Variants in TBC1D21 observed in about 807,000 individuals in gnomAD.
The protein encoded by TBC1D21 is TBC1 domain family member 21, also known as male germ cell Rab GTPase-activating protein.
Under a neutral mutation model 46.0 loss-of-function variants are expected in TBC1D21, and 38 were observed. That is an observed-to-expected ratio of 0.83 (90% CI 0.64 to 1.08). The LOEUF (loss-of-function observed/expected upper bound fraction) is 1.08. Among genes scored for constraint, TBC1D21 ranks in the 50% least tolerant of loss-of-function variants. TBC1D21 has a pLI of 0.00. For missense variants in TBC1D21, 415 were observed against 417.9 expected (o/e 0.99, Z 0.06); for synonymous variants, 151 against 157.2 (o/e 0.96, Z 0.29).
At position 73,884,156 on chromosome 15, in the gene TBC1D21, A is replaced by G; in HGVS notation, c.278A>G (p.Asn93Ser). ...RLTVDSMRRK[N>S]YKALCQMYEK... ...CCTCAGTTCTGTTCTCACAGGAAGA[A>G]CTACAAGGCCTTATGCCAAATGTAT... The change falls in exon 4 of 11, where the codon AAC (asparagine) becomes AGC (serine). Residue 93 changes from asparagine to serine, a missense_variant. By Grantham distance (46) the Asn-to-Ser change is conservative. Transcript: ENST00000300504. 6.2e-7 allele frequency: 1 copy of G among 1,614,132 alleles called. No individual in the cohort carries two copies. The highest frequency in any genetic ancestry group is 8.5e-7 in the Non-Finnish European group (1 of 1,179,948).
At chr15:73,895,952 T>G in the TBC1D21 span, among the ~76,000 whole-genome samples, 1 of 151,952 alleles carries the variant, frequency 6.6e-6, no homozygotes, top group Non-Finnish European at 1.5e-5. Flanking sequence ...GGGAGAGTAG[T>G]GGTGATAGGG....
chr15:73,876,625 C>A (rs981711503), intron 1 of TBC1D21, among the ~76,000 whole-genome samples: 1 of 152,064 alleles, frequency 6.6e-6, no homozygotes, highest in Non-Finnish European at 1.5e-5. Context: ...TTTAGAAATG[C>A]AAATTCTCTG....
intron 5 of TBC1D21, 41 bp downstream of exon 5, chr15:73,884,932 T>C (rs1345634306): frequency 1.9e-6 from 3 of 1,610,008 alleles, no homozygotes; most frequent in Non-Finnish European, 2.5e-6. Flanking sequence ...TCCCAGGACC[T>C]GGCCCAACCT....
At chr15:73,875,193 G>A in intron 1 of TBC1D21, among the ~76,000 whole-genome samples, 1 of 150,726 alleles carries the variant, frequency 6.6e-6, no homozygotes. Flanking sequence ...AGGTTGCAGT[G>A]AGCTGAGATT....
the TBC1D21 span, among the ~76,000 whole-genome samples, chr15:73,904,333 A>G: frequency 2.6e-5 from 4 of 152,210 alleles, no homozygotes; most frequent in African/African-American, 9.7e-5. Flanking sequence ...GGCATGCAGG[A>G]AGCCCCTTCT....
chr15:73,885,115 G>C lies in TBC1D21; in HGVS notation c.579+12G>C. 1 of 1,609,658 alleles carries C rather than the reference G, an allele frequency of 6.2e-7. No individual in the cohort carries two copies. The highest frequency in any genetic ancestry group is 8.5e-7 in the Non-Finnish European group (1 of 1,179,280). On this transcript the variant is annotated intron_variant, in intron 6 of 10. Coordinates refer to ENST00000300504, the MANE Select transcript of TBC1D21 (RefSeq NM_153356.3). ...TCCTGCAGAAAACGGTGAGGGCAAG[G>C]CCTGAGCTCAGGGACGCCCCTCCCC...
At chr15:73,901,715 T>C in the TBC1D21 span, among the ~76,000 whole-genome samples, 2 of 152,190 alleles carry the variant, frequency 1.3e-5, no homozygotes, top group South Asian at 4.1e-4. Flanking sequence ...CGCTTTCTCA[T>C]GTTACTCCAA....
the TBC1D21 span, among the ~76,000 whole-genome samples, chr15:73,897,999 C>T: frequency 1.3e-5 from 2 of 152,154 alleles, no homozygotes; most frequent in South Asian, 2.1e-4. Flanking sequence ...AGTGTAGTTC[C>T]GTGTGATTCA....
At chr15:73,894,677 C>G in the TBC1D21 span, among the ~76,000 whole-genome samples, 1 of 152,080 alleles carries the variant, frequency 6.6e-6, no homozygotes, top group African/African-American at 2.4e-5. Context: ...AGGGGAGAGG[C>G]GCGCAGCTCT....
At chr15:73,886,731 G>C in intron 8 of TBC1D21, 119 bp downstream of exon 8, 8 of 910,606 alleles carry the variant, frequency 8.8e-6, no homozygotes. Context: ...GTATCTCGGG[G>C]TTTTGTTAGG....
intron 3 of TBC1D21, among the ~76,000 whole-genome samples, chr15:73,882,346 C>A (rs1567065749): frequency 6.6e-6 from 1 of 152,188 alleles, no homozygotes. Context: ...ACATTCCAAC[C>A]ACACTGACAG....
At chr15:73,882,444 C>T (rs1198607685) in intron 3 of TBC1D21, among the ~76,000 whole-genome samples, 3 of 152,166 alleles carry the variant, frequency 2.0e-5, no homozygotes, top group African/African-American at 4.8e-5. Flanking sequence ...TTTCTCCTCC[C>T]TCCACAATGG....
chr15:73,878,849 G>T (rs1185035041), intron 1 of TBC1D21, among the ~76,000 whole-genome samples: 1 of 152,164 alleles, frequency 6.6e-6, no homozygotes, highest in Admixed American at 6.5e-5. Flanking sequence ...AGCTTTGCCT[G>T]TTCCCTTCTG....
At chr15:73,886,234 G>A in intron 7 of TBC1D21, 60 bp downstream of exon 7, 4 of 1,460,190 alleles carry the variant, frequency 2.7e-6, no homozygotes, top group Non-Finnish European at 2.9e-6. Flanking sequence ...AGGGGGCTGG[G>A]ACCCAACTGT....
At chr15:73,882,925 G>A (rs996513603) in intron 3 of TBC1D21, among the ~76,000 whole-genome samples, 1 of 152,196 alleles carries the variant, frequency 6.6e-6, no homozygotes, top group Non-Finnish European at 1.5e-5. Flanking sequence ...TCCCTCCCAG[G>A]TTGAATGCAA....
rs778090610 is a variant in TBC1D21 at position 73,881,636 on chromosome 15, C to G, written c.169-8C>G. The G allele has an allele frequency of 1.9e-6, 3 of 1,613,334 alleles. No individual in the cohort carries two copies. In the East Asian group the frequency reaches 6.7e-5, roughly 36 times the overall value. On this transcript the variant is annotated splice_region_variant and splice_polypyrimidine_tract_variant and intron_variant, in intron 2 of 10. Transcript: ENST00000300504. ...GCCCATGACCTCCACCTCCCACCCC[C>G]ACCCCAGGGTCTGCACCCCTTCGTG...
chr15:73,886,716 G>C (rs1449221247), intron 8 of TBC1D21, 104 bp downstream of exon 8: 1 of 1,095,756 alleles, frequency 9.1e-7, no homozygotes, highest in Non-Finnish European at 1.4e-6. Context: ...CTTGGATGGA[G>C]TTCAGTATCT....
downstream of TBC1D21, among the ~76,000 whole-genome samples, chr15:73,893,589 G>A (rs1209850252): frequency 6.6e-6 from 1 of 152,182 alleles, no homozygotes; most frequent in Non-Finnish European, 1.5e-5. Context: ...TAGGATAATA[G>A]CTCTCTACCC....
intron 1 of TBC1D21, among the ~76,000 whole-genome samples, chr15:73,876,225 T>TTTTTTTTTTTTTTTTTTTGTTTG (rs2068063732): frequency 5.1e-5 from 3 of 59,006 alleles, no homozygotes; most frequent in Non-Finnish European, 9.3e-5. Flanking sequence ...TTTTTTTTTT[T>TTTTTTTTTTTTTTTTTTTGTTTG]TTTTTTTTTT....
Sources: gnomAD v4.1 joint callset for allele counts (sites outside exome capture counted in the v4.1 genomes callset) on GRCh38, gnomAD v4.1.1 for gene constraint, MANE v1.5 for transcripts, NCBI Gene and HGNC (gene_info 2026-07-23, HGNC 2026-07-21) for gene names.